Variants in MTMR8 observed in about 807,000 individuals in gnomAD.
MTMR8 encodes phosphatidylinositol-3,5-bisphosphate 3-phosphatase MTMR8.
MTMR8 carries 65 observed loss-of-function variants against 39.3 expected under a neutral mutation model. The observed-to-expected ratio is 1.65, with a 90% CI of 1.35 to 2.03. MTMR8 has a LOEUF of 2.03. Among genes scored for constraint, MTMR8 ranks in the 30% most tolerant of loss-of-function variants. The pLI is 0.00. For missense variants in MTMR8, 777 were observed against 538.9 expected (o/e 1.44, Z -4.37); for synonymous variants, 245 against 185.2 (o/e 1.32, Z -2.62).
chrX:64,293,129 G>A (rs944147100), intron 12 of MTMR8, among the ~76,000 whole-genome samples: 5 of 111,342 alleles, frequency 4.5e-5, no homozygotes, highest in South Asian at 7.7e-4. Context: ...CAGAGGAAAC[G>A]GAATTCAATC....
intron 12 of MTMR8, among the ~76,000 whole-genome samples, chrX:64,293,286 C>T (rs1602111832): frequency 9.0e-6 from 1 of 111,390 alleles, no homozygotes; most frequent in Admixed American, 9.6e-5. Context: ...TCAAGTGTTG[C>T]CTGTTAATTC....
intron 12 of MTMR8, among the ~76,000 whole-genome samples, chrX:64,302,391 C>T (rs1165127056): frequency 3.5e-5 from 4 of 112,745 alleles, no homozygotes; most frequent in Non-Finnish European, 7.5e-5. Context: ...CCTTGCGCTT[C>T]CCAGGTGAGG....
At chrX:64,302,032 C>T (rs1041612147) in intron 12 of MTMR8, among the ~76,000 whole-genome samples, 5 of 112,763 alleles carry the variant, frequency 4.4e-5, no homozygotes, top group Non-Finnish European at 7.5e-5. Context: ...TGTCTGTGCC[C>T]TGCCCCCAGA....
chrX:64,297,128 T>C (rs1205226465), intron 12 of MTMR8, among the ~76,000 whole-genome samples: 4 of 76,344 alleles, frequency 5.2e-5, no homozygotes, highest in Non-Finnish European at 9.9e-5. Flanking sequence ...ATGGTATTTC[T>C]AGTTCTAGAT....
intron 3 of MTMR8, among the ~76,000 whole-genome samples, chrX:64,355,452 T>G (rs1411716355): frequency 9.0e-6 from 1 of 111,657 alleles, no homozygotes; most frequent in Admixed American, 9.6e-5. Flanking sequence ...ATCAAATAAC[T>G]CATTTGACCA....
At chrX:64,289,076 C>G (rs1284569730) in intron 12 of MTMR8, among the ~76,000 whole-genome samples, 1 of 109,725 alleles carries the variant, frequency 9.1e-6, no homozygotes, top group Non-Finnish European at 1.9e-5. Flanking sequence ...ACAACAACAA[C>G]AACAATGAAA....
chrX:64,321,888 T>C (rs780227521), intron 12 of MTMR8, among the ~76,000 whole-genome samples: 13 of 112,070 alleles, frequency 1.2e-4, no homozygotes, highest in Non-Finnish European at 2.3e-4. Context: ...TTTTGTCAAA[T>C]ACTTTTTCTT....
At chrX:64,295,442 A>G (rs922413108) in intron 12 of MTMR8, among the ~76,000 whole-genome samples, 7 of 111,852 alleles carry the variant, frequency 6.3e-5, no homozygotes, top group Non-Finnish European at 1.1e-4. Context: ...CACTAAAAGC[A>G]CAGGCAACAA....
chrX:64,276,475 G>T (rs1282703623), intron 12 of MTMR8, among the ~76,000 whole-genome samples: 2 of 111,496 alleles, frequency 1.8e-5, no homozygotes, highest in Non-Finnish European at 3.8e-5. Context: ...TGGTTTCAAA[G>T]AACTTATTTA....
chrX:64,301,613 C>T (rs1205706943), intron 12 of MTMR8, among the ~76,000 whole-genome samples: 1 of 112,195 alleles, frequency 8.9e-6, no homozygotes. Flanking sequence ...TGTTCCATTG[C>T]TGGTGAGGAA....
rs777890870 is a variant in MTMR8, at chrX:64,354,182, T to TG, written c.468+594dup. 1.2e-3 allele frequency among the ~76,000 whole-genome samples: 115 copies of TG among 94,618 alleles called. No homozygotes were observed. The South Asian group carries it at 0.019, about 15-fold the overall frequency. 82.2% of individuals were successfully genotyped at this position (94,618 alleles called of 115,157 possible). ...CCAAAGGTTGGTAAGGGTAGTGGAG[T>TG]GGGGGGGATAAAAAGAGGATCCTCA... On this transcript the variant is annotated intron_variant, in intron 4 of 13. Transcript: ENST00000374852.
chrX:64,328,278 G>A (rs1245129404), intron 12 of MTMR8, among the ~76,000 whole-genome samples: 2 of 111,726 alleles, frequency 1.8e-5, no homozygotes, highest in African/African-American at 6.5e-5. Flanking sequence ...TTTCAGAGAT[G>A]ACATGATCTA....
chrX:64,341,403 C>T (rs770320002), intron 8 of MTMR8, among the ~76,000 whole-genome samples: 3 of 103,384 alleles, frequency 2.9e-5, no homozygotes, highest in Admixed American at 1.1e-4. Flanking sequence ...CCCTTGAATC[C>T]GGTAGGCGGA....
chrX:64,358,544 G>A (rs149320676), intron 2 of MTMR8, among the ~76,000 whole-genome samples: 1,283 of 111,141 alleles, frequency 0.012, 50 homozygotes, highest in Admixed American at 0.1. Flanking sequence ...AGAAGGAAGC[G>A]AGACACAGAA....
At chrX:64,340,269 TG>T (rs1324673760) in intron 8 of MTMR8, among the ~76,000 whole-genome samples, 4 of 111,749 alleles carry the variant, frequency 3.6e-5, no homozygotes, top group Non-Finnish European at 7.5e-5. Context: ...GGATTAAGGA[TG>T]TGAAAGCTGG....
chrX:64,281,381 C>A (rs1052512557), intron 12 of MTMR8, among the ~76,000 whole-genome samples: 1 of 111,295 alleles, frequency 9.0e-6, no homozygotes, highest in African/African-American at 3.3e-5. Flanking sequence ...GAATCTAGAT[C>A]TCAGAAAAAA....
At chrX:64,299,814 C>T (rs12380960) in intron 12 of MTMR8, among the ~76,000 whole-genome samples, 2 of 98,960 alleles carry the variant, frequency 2.0e-5, no homozygotes, top group Non-Finnish European at 4.1e-5. Context: ...AACATCTTTA[C>T]TTCTGCCTTC....
intron 12 of MTMR8, among the ~76,000 whole-genome samples, chrX:64,291,118 T>G (rs1921381852): frequency 9.0e-6 from 1 of 111,696 alleles, no homozygotes; most frequent in Non-Finnish European, 1.9e-5. Context: ...CCTCTGCATA[T>G]GGACCTTATG....
At chrX:64,364,923 C>T (rs1170876380) in intron 1 of MTMR8, among the ~76,000 whole-genome samples, 4 of 111,218 alleles carry the variant, frequency 3.6e-5, no homozygotes, top group Non-Finnish European at 7.5e-5. Flanking sequence ...TTAAATGACC[C>T]GATGGAGCTG....
Sources: gnomAD v4.1 joint callset for allele counts (sites outside exome capture counted in the v4.1 genomes callset) on GRCh38, gnomAD v4.1.1 for gene constraint, MANE v1.5 for transcripts, NCBI Gene and HGNC (gene_info 2026-07-23, HGNC 2026-07-21) for gene names.